MYO10: variants seen among roughly 807,000 people sequenced by gnomAD.
MYO10 encodes myosin X.
Under a neutral mutation model 257.3 loss-of-function variants are expected in MYO10, and 133 were observed. The ratio of observed to expected loss-of-function variants is 0.52; its 90% confidence interval spans 0.45 to 0.60. The LOEUF (loss-of-function observed/expected upper bound fraction) is 0.60. MYO10 is among the 20% of genes least tolerant of loss of function. The probability of loss-of-function intolerance (pLI) is 0.00; values close to 1 mark genes in which losing one functional copy is unlikely to be tolerated. For synonymous variants in MYO10, 1,104 were observed against 1,028.6 expected, an observed-to-expected ratio of 1.07 and a Z score of -1.40; for missense variants, 2,399 against 2,635.7, an observed-to-expected ratio of 0.91 and a Z score of 1.97.
In MYO10 at chr5:16,796,667, C is replaced by A. The variant is rs549749349; in HGVS notation, c.280-1834G>T. On this transcript the variant is annotated intron_variant, in intron 3 of 40. Transcript: ENST00000513610. ...GAAGTCAGTCAGACAGGGGTGGGAG[C>A]AGAGAGTCCTGCAACCACCATCAAC... Among the ~76,000 whole-genome samples, 103 of 152,238 alleles carry A rather than the reference C, an allele frequency of 6.8e-4. No individual in the cohort carries two copies. In the South Asian group the frequency reaches 0.021, roughly 31 times the overall value.
chr5:16,896,159 C>T (rs1745212025), intron 1 of MYO10, among the ~76,000 whole-genome samples: 1 of 152,298 alleles, frequency 6.6e-6, no homozygotes, highest in East Asian at 1.9e-4. Context: ...CAGGCAAGCT[C>T]CCAATAAGCT....
At chr5:16,722,282 C>A (rs1460519775) in intron 19 of MYO10, among the ~76,000 whole-genome samples, 1 of 152,158 alleles carries the variant, frequency 6.6e-6, no homozygotes, top group Non-Finnish European at 1.5e-5. Context: ...ATGTGAACTC[C>A]CCATTAAATT....
At chr5:16,784,487 A>G (rs1741515072) in intron 4 of MYO10, among the ~76,000 whole-genome samples, 1 of 152,190 alleles carries the variant, frequency 6.6e-6, no homozygotes, top group South Asian at 2.1e-4. Flanking sequence ...CTGGAGACGG[A>G]GAGGAAGATA....
At chr5:16,677,810 G>T (rs563017958) in intron 33 of MYO10, among the ~76,000 whole-genome samples, 48 of 151,370 alleles carry the variant, frequency 3.2e-4, no homozygotes, top group African/African-American at 1.2e-3. Context: ...GCCCAGGCTG[G>T]AGTGCAATGG....
intron 19 of MYO10, among the ~76,000 whole-genome samples, chr5:16,747,311 A>C (rs1740223545): frequency 6.6e-6 from 1 of 152,218 alleles, no homozygotes; most frequent in Non-Finnish European, 1.5e-5. Context: ...AGAAGAGAAA[A>C]GCATGCCAAA....
chr5:16,714,598 G>A (rs1045370108), intron 19 of MYO10, among the ~76,000 whole-genome samples: 2 of 152,020 alleles, frequency 1.3e-5, no homozygotes, highest in African/African-American at 4.8e-5. Flanking sequence ...CAGCCAATAA[G>A]ACCAAATGCA....
At chr5:16,730,935 G>A (rs1335487200) in intron 19 of MYO10, among the ~76,000 whole-genome samples, 2 of 152,190 alleles carry the variant, frequency 1.3e-5, no homozygotes, top group African/African-American at 4.8e-5. Flanking sequence ...GTCATGGGAA[G>A]GTTGAAATCA....
At chr5:16,930,790 T>G (rs1746273196) in intron 1 of MYO10, among the ~76,000 whole-genome samples, 1 of 152,156 alleles carries the variant, frequency 6.6e-6, no homozygotes, top group African/African-American at 2.4e-5. Flanking sequence ...TGAGATCCCA[T>G]CGGAGGGAGC....
intron 2 of MYO10, among the ~76,000 whole-genome samples, chr5:16,837,420 A>C (rs1203760873): frequency 2.6e-5 from 4 of 152,312 alleles, no homozygotes; most frequent in South Asian, 4.1e-4. Flanking sequence ...TGTCCAGAAT[A>C]AGCAAATTCA....
At chr5:16,666,925 A>G (rs1302907272) in intron 40 of MYO10, 132 bp from the exon 41 acceptor site, 2 of 684,736 alleles carry the variant, frequency 2.9e-6, no homozygotes, top group Non-Finnish European at 4.9e-6. Context: ...CCCATTTTGC[A>G]GGAAGCCAGA....
At chr5:16,687,484 A>G (rs920133512) in intron 28 of MYO10, among the ~76,000 whole-genome samples, 1 of 151,406 alleles carries the variant, frequency 6.6e-6, no homozygotes. Context: ...ACGCTAGGGT[A>G]TCCTTCTCCT....
At chr5:16,844,882 A>C (rs1244900100) in intron 2 of MYO10, among the ~76,000 whole-genome samples, 1 of 152,060 alleles carries the variant, frequency 6.6e-6, no homozygotes, top group Non-Finnish European at 1.5e-5. Flanking sequence ...TTACATTGCC[A>C]GTAAAATTTG....
chr5:16,768,664 CTTTTTTTTTT>C (rs34950225), intron 10 of MYO10, among the ~76,000 whole-genome samples: 10 of 70,140 alleles, frequency 1.4e-4, no homozygotes, highest in Admixed American at 2.5e-4. Context: ...TTTCTCTTTT[CTTTTTTTTTT>C]TTTTTTTTTT....
chr5:16,727,351 G>T (rs537446927), intron 19 of MYO10, among the ~76,000 whole-genome samples: 2 of 152,224 alleles, frequency 1.3e-5, no homozygotes, highest in Non-Finnish European at 2.9e-5. Context: ...ATTCTAATTT[G>T]ATTACAATTT....
chr5:16,686,114 T>C (rs2126510626), intron 28 of MYO10, among the ~76,000 whole-genome samples: 1 of 152,060 alleles, frequency 6.6e-6, no homozygotes, highest in African/African-American at 2.4e-5. Flanking sequence ...CATTTGACGA[T>C]GATGAATGAG....
Position 16,802,939 on chromosome 5 carries a change from CA to C in MYO10, c.280-8107del, listed in dbSNP as rs34168458. 2.6e-3 allele frequency among the ~76,000 whole-genome samples: 364 copies of C among 137,758 alleles called. 1 individual carries two copies. Among genetic ancestry groups the C allele is most frequent in the Non-Finnish European group, 2.7e-3 (173 of 63,794 alleles). The allele number at this position is 137,758 out of a possible 152,430, so 90.4% of individuals were successfully genotyped here. A position where few individuals can be genotyped will look rare whatever the true frequency, so the allele number is the denominator to read the frequency against. ...GGCAACACAGTGAGATCCTCTCTCT[CA>C]AAAAAAAAAAAAAATTTACCCATGT... On this transcript the variant is annotated intron_variant, in intron 3 of 40. Transcript: ENST00000513610.
In MYO10 at chr5:16,663,361, TTTTTTTA is replaced by T; in HGVS notation, c.*3324_*3330del. On this transcript the variant is annotated 3_prime_UTR_variant, in exon 41 of 41. Transcript: ENST00000513610. ...TTTTTTTTTTTTTTTTTTTTTTTTT[TTTTTTTA>T]CAAATCACCTATATGTATTAGCTTT... The T allele has an allele frequency of 9.5e-6, 1 of 104,736 alleles. No individual in the cohort carries two copies. Among genetic ancestry groups the T allele is most frequent in the African/African-American group, 3.6e-5 (1 of 27,410 alleles). The allele number at this position is 104,736 out of a possible 1,614,324, so 6.5% of individuals were successfully genotyped here.
In MYO10 at chr5:16,935,897, CG is replaced by C; in HGVS notation, c.-90del. The C allele has an allele frequency of 6.5e-7, 1 of 1,530,204 alleles. No individual in the cohort carries two copies. Among genetic ancestry groups the C allele is most frequent in the Non-Finnish European group, 8.9e-7 (1 of 1,124,696 alleles). 94.8% of individuals were successfully genotyped at this position (1,530,204 alleles called of 1,614,324 possible). A position where few individuals can be genotyped will look rare whatever the true frequency, so the allele number is the denominator to read the frequency against. On this transcript the variant is annotated 5_prime_UTR_variant, in exon 1 of 41. It removes the in-frame stop codon of an upstream open reading frame in the 5' UTR. Transcript: ENST00000513610. ...GGGTCCGGGGAAACCATGCGTGTCACGGCGCCACTCCCGAGGACGCGCGCCC... is the reference window on the plus strand; with the variant it reads ...GGGTCCGGGGAAACCATGCGTGTCACGCGCCACTCCCGAGGACGCGCGCCC...
chr5:16,919,273 G>C (rs1220910177), intron 1 of MYO10, among the ~76,000 whole-genome samples: 2 of 152,130 alleles, frequency 1.3e-5, no homozygotes, highest in Non-Finnish European at 2.9e-5. Flanking sequence ...AGCTATTCAG[G>C]AGGCTGAGGC....
Sources: gnomAD v4.1 joint callset for allele counts (sites outside exome capture counted in the v4.1 genomes callset) on GRCh38, gnomAD v4.1.1 for gene constraint, MANE v1.5 for transcripts, NCBI Gene and HGNC (gene_info 2026-07-23, HGNC 2026-07-21) for gene names.